The following NAP1L1 variants were observed in gnomAD, a reference collection of about 807,000 sequenced individuals.
NAP1L1 encodes nucleosome assembly protein 1 like 1, also known as nucleosome assembly protein 1-like 1.
Under a neutral mutation model 58.9 loss-of-function variants are expected in NAP1L1, and 9 were observed. The ratio of observed to expected loss-of-function variants is 0.15; its 90% CI spans 0.09 to 0.27. The LOEUF (loss-of-function observed/expected upper bound fraction) is 0.27. NAP1L1 is among the 10% of genes least tolerant of loss of function. The pLI is 1.00. For synonymous variants in NAP1L1, 130 were observed against 138.3 expected (o/e 0.94, Z 0.42); for missense variants, 302 against 458.8 (o/e 0.66, Z 3.12).
At position 76,045,731 on chromosome 12, in the gene NAP1L1, C is replaced by T. The variant is rs888413236; in HGVS notation, c.*2698G>A. Reference sequence around the variant, plus strand: ...TCAGACATCCATGTTAAACTATCAACTTGTGGAATTTGTGGAACACTTACC... The same window carrying T: ...TCAGACATCCATGTTAAACTATCAATTTGTGGAATTTGTGGAACACTTACC... On this transcript the variant is annotated 3_prime_UTR_variant, in exon 15 of 15. Transcript: ENST00000618691. The T allele has an allele frequency of 6.6e-6, 1 of 151,988 alleles. No individual in the cohort carries two copies. The highest frequency in any genetic ancestry group is 1.5e-5 in the Non-Finnish European group (1 of 67,884). 9.4% of individuals were successfully genotyped at this position (151,988 alleles called of 1,614,324 possible).
At chr12:76,058,102 T>A (rs1389952256) in intron 6 of NAP1L1, 2 of 746,164 alleles carry the variant, frequency 2.7e-6, no homozygotes, top group African/African-American at 3.5e-5. Context: ...GATGACAGCA[T>A]CGAAGATCTT....
chr12:76,056,584 ATG>A (rs1461236478), intron 6 of NAP1L1: 4 of 455,700 alleles, frequency 8.8e-6, no homozygotes, highest in Non-Finnish European at 1.8e-5. Context: ...ACAGCACTGA[ATG>A]TGTGTCACAG....
At chr12:76,057,542 C>T in intron 6 of NAP1L1, 1 of 791,248 alleles carries the variant, frequency 1.3e-6, no homozygotes, top group Admixed American at 2.0e-5. Flanking sequence ...TGTGAAATGG[C>T]TGCTGACGTT....
rs1401343201 is a variant in NAP1L1 at position 76,044,625 on chromosome 12, G to C, written c.*3804C>G. The C allele has an allele frequency of 6.6e-6, 1 of 152,140 alleles. No homozygotes were observed. Among genetic ancestry groups the C allele is most frequent in the Non-Finnish European group, 1.5e-5 (1 of 68,030 alleles). 9.4% of individuals were successfully genotyped at this position (152,140 alleles called of 1,614,324 possible). ...AATACTCCAATAAACTCATAAAGCT[G>C]AAGTCTTAAGTCAAACCATTATAAG... On this transcript the variant is annotated 3_prime_UTR_variant, in exon 15 of 15. Coordinates refer to ENST00000618691, the MANE Select transcript of NAP1L1 (RefSeq NM_004537.7).
rs766625049 is a variant in NAP1L1, at chr12:76,043,764, TAC to T, written c.*4663_*4664del. The T allele has an allele frequency of 2.4e-4, 36 of 152,186 alleles. No homozygotes were observed. The highest frequency in any genetic ancestry group is 7.2e-4 in the African/African-American group (30 of 41,454). The allele number at this position is 152,186 out of a possible 1,614,324, so 9.4% of individuals were successfully genotyped here. Reference sequence around the variant, plus strand: ...TTCTTCCTCTCACTTCACAAATTCCTACAGATTCTCAAAATCTCAGCTAAAAG... The same window carrying T: ...TTCTTCCTCTCACTTCACAAATTCCTAGATTCTCAAAATCTCAGCTAAAAG... On this transcript the variant is annotated 3_prime_UTR_variant, in exon 15 of 15. Coordinates refer to ENST00000618691, the MANE Select transcript of NAP1L1 (RefSeq NM_004537.7).
In NAP1L1 at chr12:76,039,034, A is replaced by T. The variant is rs953278352; in HGVS notation, c.*9395T>A. The T allele has an allele frequency of 6.6e-6, 1 of 152,206 alleles. No individual in the cohort carries two copies. Among genetic ancestry groups the T allele is most frequent in the Non-Finnish European group, 1.5e-5 (1 of 68,042 alleles). 9.4% of individuals were successfully genotyped at this position (152,206 alleles called of 1,614,324 possible). A position where few individuals can be genotyped will look rare whatever the true frequency, so the allele number is the denominator to read the frequency against. On this transcript the variant is annotated 3_prime_UTR_variant, in exon 15 of 15. Coordinates refer to ENST00000618691, the MANE Select transcript of NAP1L1 (RefSeq NM_004537.7). ...TCCTTTTGGGCCGTATTTAAAGAAA[A>T]TTACTTTTCTTAGCCCTGTTCACTT...
In NAP1L1 at chr12:76,053,127, A is replaced by G. The variant is rs373422067; in HGVS notation, c.917-17T>C. 9 of 1,612,526 alleles carry G rather than the reference A, an allele frequency of 5.6e-6. No homozygotes were observed. Among genetic ancestry groups the G allele is most frequent in the Non-Finnish European group, 7.6e-6 (9 of 1,179,296 alleles). ...TCTCAGGAACTGCAAAATTGAGAAA[A>G]GAAATTACAATGAATAAGAAGCTAA... is the stretch of plus-strand genomic sequence containing the variant. On this transcript the variant is annotated splice_polypyrimidine_tract_variant and intron_variant, in intron 10 of 14. Transcript: ENST00000618691.
At chr12:76,072,681 T>C (rs767909253) in intron 2 of NAP1L1, among the ~76,000 whole-genome samples, 1 of 152,140 alleles carries the variant, frequency 6.6e-6, no homozygotes, top group Non-Finnish European at 1.5e-5. Context: ...AGTGTAAATG[T>C]ACATATTTCT....
chr12:76,062,380 T>C (rs1949457485), intron 4 of NAP1L1, among the ~76,000 whole-genome samples: 2 of 152,170 alleles, frequency 1.3e-5, no homozygotes, highest in Admixed American at 6.5e-5. Flanking sequence ...TCTCCCCAAA[T>C]ATTCATTATT....
chr12:76,072,353 A>G (rs80283341), intron 2 of NAP1L1, among the ~76,000 whole-genome samples: 6 of 152,042 alleles, frequency 3.9e-5, no homozygotes, highest in Non-Finnish European at 7.4e-5. Flanking sequence ...CTTGGAAACT[A>G]AAACAACAGA....
rs574525241 is a variant in NAP1L1, at chr12:76,040,863, A to G, written c.*7566T>C. Reference sequence around the variant, plus strand: ...CAGGCATGAGCCACCACACCTGGCCATAATATATTTCCGATTGCTTAACAT... The same window carrying G: ...CAGGCATGAGCCACCACACCTGGCCGTAATATATTTCCGATTGCTTAACAT... On this transcript the variant is annotated 3_prime_UTR_variant, in exon 15 of 15. Coordinates refer to ENST00000618691, the MANE Select transcript of NAP1L1 (RefSeq NM_004537.7). 8 of 152,368 alleles carry G rather than the reference A, an allele frequency of 5.3e-5. No individual in the cohort carries two copies. Among genetic ancestry groups the G allele is most frequent in the African/African-American group, 1.9e-4 (8 of 41,582 alleles). The allele number at this position is 152,368 out of a possible 1,614,324, so 9.4% of individuals were successfully genotyped here.
At chr12:76,060,312 G>A in intron 4 of NAP1L1, 33 bp from the exon 5 acceptor site, 1 of 1,594,660 alleles carries the variant, frequency 6.3e-7, no homozygotes, top group East Asian at 2.2e-5. Context: ...TATAGCATCA[G>A]AGTAAAATGG....
In NAP1L1 at chr12:76,045,633, T is replaced by C. The variant is rs1948593831; in HGVS notation, c.*2796A>G. The C allele has an allele frequency of 3.3e-5, 5 of 152,058 alleles. No homozygotes were observed. The highest frequency in any genetic ancestry group is 1.2e-4 in the African/African-American group (5 of 41,450). The allele number at this position is 152,058 out of a possible 1,614,324, so 9.4% of individuals were successfully genotyped here. Reference sequence around the variant, plus strand: ...ATTAAGGTATTTTTGCAATCTAAAATAGTGATGCTAATACTGCTTCAGTAA... The same window carrying C: ...ATTAAGGTATTTTTGCAATCTAAAACAGTGATGCTAATACTGCTTCAGTAA... On this transcript the variant is annotated 3_prime_UTR_variant, in exon 15 of 15. Coordinates refer to ENST00000618691, the MANE Select transcript of NAP1L1 (RefSeq NM_004537.7).
intron 14 of NAP1L1, chr12:76,048,953 T>C (rs1484045575): frequency 3.8e-6 from 2 of 523,270 alleles, no homozygotes; most frequent in African/African-American, 3.9e-5. Flanking sequence ...AATAGAATCC[T>C]AGGGTTCACT....
rs1042659383 is a variant in NAP1L1, at chr12:76,077,855, A to G, written c.-20-3616T>C. ...AAAAATTAGCCGGGCGTGGTTGCAC[A>G]CACCTGTAGTCCCAGCTACTCAGGA... On this transcript the variant is annotated intron_variant, in intron 1 of 14. Transcript: ENST00000618691. 9.9e-5 allele frequency among the ~76,000 whole-genome samples: 15 copies of G among 151,846 alleles called. No homozygotes were observed. The South Asian group carries it at 2.7e-3, about 27-fold the overall frequency.
Position 76,038,344 on chromosome 12 carries a change from C to G in NAP1L1, c.*10085G>C, listed in dbSNP as rs1158899989. On this transcript the variant is annotated 3_prime_UTR_variant, in exon 15 of 15. Transcript: ENST00000618691. ...AACTGACAGTCACTTGGGCAAATAC[C>G]TCCATTTAAGGAACTAAATTCCAAG... 1 of 152,180 alleles carries G rather than the reference C, an allele frequency of 6.6e-6. No homozygotes were observed. The highest frequency in any genetic ancestry group is 1.5e-5 in the Non-Finnish European group (1 of 68,044). The allele number at this position is 152,180 out of a possible 1,614,324, so 9.4% of individuals were successfully genotyped here.
chr12:76,081,078 C>CTT (rs11431697), intron 1 of NAP1L1, among the ~76,000 whole-genome samples: 8,818 of 150,632 alleles, frequency 0.059, 855 homozygotes, highest in African/African-American at 0.2. Context: ...GAAATAAATT[C>CTT]TTTTTTTTTA....
At chr12:76,065,933 GA>G in intron 4 of NAP1L1, among the ~76,000 whole-genome samples, 1 of 151,074 alleles carries the variant, frequency 6.6e-6, no homozygotes, top group Non-Finnish European at 1.5e-5. Flanking sequence ...AAGAGACAAA[GA>G]CCAATAAAAC....
rs1273652512 is a variant in NAP1L1, at chr12:76,041,377, T to G, written c.*7052A>C. ...CAGATTTATAGAACCAAAGAGTAGG[T>G]ACTGATGAAAAGGAGATCCTATGTT... is the stretch of plus-strand genomic sequence containing the variant. On this transcript the variant is annotated 3_prime_UTR_variant, in exon 15 of 15. Coordinates refer to ENST00000618691, the MANE Select transcript of NAP1L1 (RefSeq NM_004537.7). 6.6e-6 allele frequency: 1 copy of G among 152,154 alleles called. No homozygotes were observed. Among genetic ancestry groups the G allele is most frequent in the Admixed American group, 6.5e-5 (1 of 15,272 alleles). 9.4% of individuals were successfully genotyped at this position (152,154 alleles called of 1,614,324 possible).
Sources: gnomAD v4.1 joint callset for allele counts (sites outside exome capture counted in the v4.1 genomes callset) on GRCh38, gnomAD v4.1.1 for gene constraint, MANE v1.5 for transcripts, NCBI Gene and HGNC (gene_info 2026-07-23, HGNC 2026-07-21) for gene names.